Variants in FGF14 observed in about 807,000 individuals in gnomAD.
FGF14 encodes fibroblast growth factor homologous factor 4.
FGF14 carries 5 observed loss-of-function variants against 25.5 expected under a neutral mutation model. The ratio of observed to expected loss-of-function variants is 0.20; its 90% CI spans 0.10 to 0.41. FGF14 has a LOEUF of 0.41. Ranked by LOEUF, FGF14 falls within the 10% of genes least tolerant of loss-of-function variation. The pLI is 1.00. For missense variants in FGF14, 222 were observed against 320.1 expected (o/e 0.69, Z 2.34); for synonymous variants, 138 against 118.3 (o/e 1.17, Z -1.08).
At chr13:102,036,476 A>T (rs56248045) in intron 1 of FGF14, among the ~76,000 whole-genome samples, 4,885 of 152,260 alleles carry the variant, frequency 0.032, 106 homozygotes, top group African/African-American at 0.057. Context: ...GAAATGGGAG[A>T]GAGGGAAGCA....
chr13:102,221,105 G>T (rs767871940), intron 1 of FGF14, among the ~76,000 whole-genome samples: 2 of 152,164 alleles, frequency 1.3e-5, no homozygotes, highest in African/African-American at 2.4e-5. Flanking sequence ...AAGAGCCCTT[G>T]CTTGCTTTTC....
At chr13:101,782,401 G>C (rs892346198) in intron 3 of FGF14, among the ~76,000 whole-genome samples, 1 of 152,052 alleles carries the variant, frequency 6.6e-6, no homozygotes, top group Non-Finnish European at 1.5e-5. Context: ...TTTTACTTTT[G>C]AGTTCACAGG....
chr13:101,970,454 G>A (rs1014477192), intron 1 of FGF14, among the ~76,000 whole-genome samples: 1 of 152,110 alleles, frequency 6.6e-6, no homozygotes, highest in Non-Finnish European at 1.5e-5. Context: ...CAGATCCTGG[G>A]ATCTGCTTCC....
rs901625848 is a variant in FGF14, at chr13:101,727,715, A to G, written c.409-905T>C. The stretch of plus-strand genomic sequence containing the variant: ...AAAAATTAATAAGGGTACAATCTAC[A>G]TATGCATTTTTGATAGCCCTCTATT... On this transcript the variant is annotated intron_variant, in intron 3 of 4. Transcript: ENST00000376143. Among the ~76,000 whole-genome samples, 22 of 152,258 alleles carry G rather than the reference A, an allele frequency of 1.4e-4. No individual in the cohort carries two copies. The South Asian group carries it at 4.1e-3, about 29-fold the overall frequency.
At chr13:102,027,489 C>T (rs937440124) in intron 1 of FGF14, among the ~76,000 whole-genome samples, 4 of 151,890 alleles carry the variant, frequency 2.6e-5, no homozygotes, top group African/African-American at 4.8e-5. Context: ...ATAATTCTAA[C>T]GATATTTTAC....
At chr13:102,006,381 T>C (rs1594965399) in intron 1 of FGF14, among the ~76,000 whole-genome samples, 1 of 152,312 alleles carries the variant, frequency 6.6e-6, no homozygotes, top group African/African-American at 2.4e-5. Context: ...TGGTGAATAC[T>C]GGGGGCCTTG....
chr13:102,295,287 C>T (rs1050415787), intron 1 of FGF14, among the ~76,000 whole-genome samples: 10 of 152,126 alleles, frequency 6.6e-5, no homozygotes. Flanking sequence ...AATTCACTTT[C>T]GTCTCTGTCC....
intron 1 of FGF14, among the ~76,000 whole-genome samples, chr13:102,314,843 G>A (rs186149490): frequency 7.8e-4 from 118 of 151,860 alleles, no homozygotes; most frequent in African/African-American, 2.8e-3. Flanking sequence ...GGTATTTCTC[G>A]ACATGGGAGT....
chr13:102,053,827 C>G (rs1032824236), intron 1 of FGF14, among the ~76,000 whole-genome samples: 7 of 152,104 alleles, frequency 4.6e-5, no homozygotes, highest in African/African-American at 1.7e-4. Flanking sequence ...GTGAATAGAA[C>G]TTAAGTTCTA....
intron 1 of FGF14, among the ~76,000 whole-genome samples, chr13:102,021,830 A>G (rs1169611122): frequency 3.3e-5 from 5 of 152,046 alleles, no homozygotes; most frequent in African/African-American, 1.2e-4. Flanking sequence ...AGATCATATA[A>G]AAGAAGGAAG....
intron 3 of FGF14, among the ~76,000 whole-genome samples, chr13:101,858,134 C>A (rs1334539878): frequency 6.6e-6 from 1 of 151,350 alleles, no homozygotes. Context: ...GAGAGAAATA[C>A]CCCATATCTG....
chr13:102,162,502 A>G (rs2047820165), intron 1 of FGF14, among the ~76,000 whole-genome samples: 1 of 152,212 alleles, frequency 6.6e-6, no homozygotes, highest in Admixed American at 6.5e-5. Flanking sequence ...AGGCTTACAA[A>G]TAGGCACTTT....
intron 1 of FGF14, among the ~76,000 whole-genome samples, chr13:102,210,084 T>C (rs1341190287): frequency 6.6e-6 from 1 of 151,816 alleles, no homozygotes; most frequent in African/African-American, 2.4e-5. Context: ...ATAGTTATTT[T>C]TATTGGTTAC....
intron 3 of FGF14, among the ~76,000 whole-genome samples, chr13:101,860,912 ATAT>A (rs2044383302): frequency 6.6e-6 from 1 of 152,092 alleles, no homozygotes; most frequent in South Asian, 2.1e-4. Flanking sequence ...TTCCCTTCAT[ATAT>A]TATTAGCATC....
chr13:102,094,319 G>A (rs1438479285), intron 1 of FGF14, among the ~76,000 whole-genome samples: 2 of 152,198 alleles, frequency 1.3e-5, no homozygotes, highest in African/African-American at 4.8e-5. Context: ...CTTAATACCA[G>A]CAAAGGATGG....
chr13:101,806,637 T>C (rs2041221848), intron 3 of FGF14, among the ~76,000 whole-genome samples: 1 of 152,218 alleles, frequency 6.6e-6, no homozygotes, highest in Admixed American at 6.5e-5. Flanking sequence ...TCTAGTTTAA[T>C]AGAATCATTT....
intron 3 of FGF14, among the ~76,000 whole-genome samples, chr13:101,773,724 A>G (rs964804395): frequency 5.3e-5 from 8 of 151,570 alleles, no homozygotes; most frequent in Non-Finnish European, 1.2e-4. Flanking sequence ...GGTTTCATGA[A>G]TCCAAGTGCA....
intron 1 of FGF14, among the ~76,000 whole-genome samples, chr13:102,066,557 T>C (rs1374466103): frequency 6.6e-6 from 1 of 152,232 alleles, no homozygotes; most frequent in South Asian, 2.1e-4. Flanking sequence ...CCATTACATA[T>C]GTTACTGGAC....
intron 1 of FGF14, among the ~76,000 whole-genome samples, chr13:102,114,887 T>C (rs2045395228): frequency 6.6e-6 from 1 of 152,132 alleles, no homozygotes; most frequent in Admixed American, 6.5e-5. Flanking sequence ...GATGAATAGC[T>C]CCAGAGATTG....
Sources: allele counts gnomAD v4.1 joint callset (sites outside exome capture counted in the v4.1 genomes callset), GRCh38; gene constraint gnomAD v4.1.1; transcripts MANE v1.5; gene names NCBI Gene and HGNC (gene_info 2026-07-23, HGNC 2026-07-21).